Variants in CCDC186 observed in about 807,000 individuals in gnomAD.
CCDC186 encodes coiled-coil domain-containing protein 186.
Under a neutral mutation model 113.7 loss-of-function variants are expected in CCDC186, and 49 were observed. That is an observed-to-expected ratio of 0.43 (90% CI 0.34 to 0.55). The LOEUF is 0.55. Ranked by LOEUF, CCDC186 falls within the 20% of genes least tolerant of loss-of-function variation. The pLI is 0.02. For missense variants in CCDC186, 890 were observed against 1,011.1 expected, an observed-to-expected ratio of 0.88 and a Z score of 1.62; for synonymous variants, 355 against 345.8, an observed-to-expected ratio of 1.03 and a Z score of -0.30.
rs1419136481 is a variant in CCDC186 at position 114,123,179 on chromosome 10, T to C, written c.*1964A>G. 1.3e-5 allele frequency: 2 copies of C among 152,556 alleles called. No individual in the cohort carries two copies. The highest frequency in any genetic ancestry group is 1.3e-4 in the Admixed American group (2 of 15,272). The allele number at this position is 152,556 out of a possible 1,614,324, so 9.5% of individuals were successfully genotyped here. A position where few individuals can be genotyped will look rare whatever the true frequency, so the allele number is the denominator to read the frequency against. Reference sequence around the variant, plus strand: ...GTTAAGTAGTGTGTCTAGAAACAAATAGTAAAATAATTCAGATTTGATTGC... The same window carrying C: ...GTTAAGTAGTGTGTCTAGAAACAAACAGTAAAATAATTCAGATTTGATTGC... On this transcript the variant is annotated 3_prime_UTR_variant, in exon 16 of 16. Coordinates refer to ENST00000369287, the MANE Select transcript of CCDC186 (RefSeq NM_018017.4).
rs192316961 is a variant in CCDC186 at position 114,134,037 on chromosome 10, A to C, written c.1655+876T>G. Among the ~76,000 whole-genome samples the C allele has an allele frequency of 3.3e-4, 50 of 152,348 alleles. No homozygotes were observed. In the East Asian group the frequency reaches 9.2e-3, roughly 28 times the overall value. ...CAGAAGAGATGAAATCCATAGCGGA[A>C]GTAGAAAGACTAATTTGATTCAGAG... On this transcript the variant is annotated intron_variant, in intron 10 of 15. Coordinates refer to ENST00000369287, the MANE Select transcript of CCDC186 (RefSeq NM_018017.4).
At position 114,145,205 on chromosome 10, in the gene CCDC186, C is replaced by T. The variant is rs575444335; in HGVS notation, c.1101+344G>A. Among the ~76,000 whole-genome samples, 18 of 152,200 alleles carry T rather than the reference C, an allele frequency of 1.2e-4. No individual in the cohort carries two copies. The East Asian group carries it at 2.7e-3, about 23-fold the overall frequency. ...TCTGGTTCTAAAACTATTCATTTTA[C>T]ACTACTATATACATATTTTACCAAA... On this transcript the variant is annotated intron_variant, in intron 5 of 15. Transcript: ENST00000369287.
rs1195964788 is a variant in CCDC186, at chr10:114,149,829, G to GC, written c.888+1262_888+1263insG. Among the ~76,000 whole-genome samples the GC allele has an allele frequency of 9.0e-4, 109 of 121,004 alleles. 2 individuals carry two copies. The highest frequency in any genetic ancestry group is 3.8e-3 in the African/African-American group (100 of 26,438). The allele number at this position is 121,004 out of a possible 152,430, so 79.4% of individuals were successfully genotyped here. The stretch of plus-strand genomic sequence containing the variant: ...GGAAGGAAGGAAGGCAGGAAGGCAG[G>GC]AAGGCAGGAAGGCAGGCAGGCAGGC... On this transcript the variant is annotated intron_variant, in intron 4 of 15. Coordinates refer to ENST00000369287, the MANE Select transcript of CCDC186 (RefSeq NM_018017.4).
intron 13 of CCDC186, 107 bp downstream of exon 13, chr10:114,129,784 C>T: frequency 1.1e-6 from 1 of 907,552 alleles, no homozygotes; most frequent in Non-Finnish European, 1.7e-6. Context: ...CTCATCTCGT[C>T]CTCCCAAAGT....
intron 4 of CCDC186, among the ~76,000 whole-genome samples, chr10:114,149,810 A>C (rs147295047): frequency 0.024 from 1,434 of 59,690 alleles, 22 homozygotes; most frequent in African/African-American, 0.057. Flanking sequence ...GGAAGGAAGG[A>C]AGGAAGGCAG....
intron 10 of CCDC186, 109 bp from the exon 11 acceptor site, chr10:114,132,293 A>G: frequency 1.3e-6 from 1 of 781,250 alleles, no homozygotes; most frequent in East Asian, 2.8e-5. Context: ...ACTTCTATTC[A>G]TTCATCCAAA....
chr10:114,136,183 C>G lies in CCDC186; in HGVS notation c.1390G>C (p.Glu464Gln). 1 of 1,613,096 alleles carries G rather than the reference C, an allele frequency of 6.2e-7. No individual in the cohort carries two copies. The highest frequency in any genetic ancestry group is 8.5e-7 in the Non-Finnish European group (1 of 1,179,826). Residue 464 changes from glutamate to glutamine, a missense_variant, in exon 8 of 16, where the codon GAA (glutamate) becomes CAA (glutamine). By Grantham distance (29) the Glu-to-Gln change is conservative (BLOSUM62 2). Coordinates refer to ENST00000369287, the MANE Select transcript of CCDC186 (RefSeq NM_018017.4). ...TCAGATTTTTCTTGCATTTGTTTTT[C>G]AAGTTCTCCTTTTGTGACTCTAAGC... is the stretch of plus-strand genomic sequence containing the variant. ...AKLRVTKGEL[E>Q]KQMQEKSDQL...
intron 3 of CCDC186, among the ~76,000 whole-genome samples, chr10:114,152,873 A>G (rs1027275438): frequency 2.6e-5 from 4 of 152,332 alleles, no homozygotes; most frequent in East Asian, 1.9e-4. Context: ...TAAGAATGTT[A>G]CCAGAGATAA....
At chr10:114,127,785 C>T in intron 13 of CCDC186, 114 bp from the exon 14 acceptor site, 1 of 957,870 alleles carries the variant, frequency 1.0e-6, no homozygotes, top group Non-Finnish European at 1.5e-6. Context: ...GAGTTGGACA[C>T]AGAAGACAAC....
At chr10:114,167,285 C>T (rs1376846928) in intron 1 of CCDC186, among the ~76,000 whole-genome samples, 1 of 152,110 alleles carries the variant, frequency 6.6e-6, no homozygotes, top group Non-Finnish European at 1.5e-5. Flanking sequence ...TCCCAAAGTG[C>T]TTGCACACCT....
chr10:114,148,412 A>G (rs1032551624), intron 4 of CCDC186, among the ~76,000 whole-genome samples: 2 of 152,206 alleles, frequency 1.3e-5, no homozygotes, highest in Non-Finnish European at 2.9e-5. Context: ...CAGGCCAATT[A>G]AGGTCTTTGG....
chr10:114,141,529 C>G (rs2031466681), intron 6 of CCDC186, among the ~76,000 whole-genome samples: 1 of 152,116 alleles, frequency 6.6e-6, no homozygotes, highest in South Asian at 2.1e-4. Context: ...GAGGTCATTT[C>G]TCTTTGACTG....
chr10:114,136,085 T>G, intron 8 of CCDC186, 63 bp downstream of exon 8: 1 of 1,514,294 alleles, frequency 6.6e-7, no homozygotes, highest in East Asian at 2.3e-5. Flanking sequence ...CAATAAGTTC[T>G]CACTATTTCT....
chr10:114,152,030 C>T (rs528150672), intron 3 of CCDC186, among the ~76,000 whole-genome samples: 3 of 152,202 alleles, frequency 2.0e-5, no homozygotes, highest in East Asian at 1.9e-4. Flanking sequence ...TATGGCCACA[C>T]TGCATAAGTA....
In CCDC186 at chr10:114,156,737, A is replaced by G. The variant is rs2032022191; in HGVS notation, c.759+817T>C. Among the ~76,000 whole-genome samples the G allele has an allele frequency of 2.6e-5, 4 of 152,180 alleles. No homozygotes were observed. In the South Asian group the frequency reaches 8.3e-4, roughly 32 times the overall value. ...AGCAAAACTCTGTCTCAAAGAAAAA[A>G]CAAAAAATAAATTAAAAAAAAGAAG... is the stretch of plus-strand genomic sequence containing the variant. On this transcript the variant is annotated intron_variant, in intron 3 of 15. Coordinates refer to ENST00000369287, the MANE Select transcript of CCDC186 (RefSeq NM_018017.4).
chr10:114,162,776 C>T lies in CCDC186; in HGVS notation c.493G>A (p.Glu165Lys), dbSNP rs944337275. Residue 165 changes from glutamate (E) to lysine (K), a missense_variant, in exon 2 of 16, where the codon GAA becomes AAA. Glu to Lys is a moderately conservative substitution (Grantham distance 56). Coordinates refer to ENST00000369287, the MANE Select transcript of CCDC186 (RefSeq NM_018017.4). ...SVSASEDLLEEIESELLSTEF... is the reference protein window; with the variant it reads ...SVSASEDLLEKIESELLSTEF... ...GTAGATAAGAGCTCAGATTCTATTT[C>T]TTCCAACAAATCCTCTGATGCTGAA... The T allele has an allele frequency of 1.6e-5, 26 of 1,613,772 alleles. No homozygotes were observed. Among genetic ancestry groups the T allele is most frequent in the Non-Finnish European group, 2.0e-5 (24 of 1,179,924 alleles).
At chr10:114,167,746 T>C (rs558190024) in intron 1 of CCDC186, among the ~76,000 whole-genome samples, 1 of 146,786 alleles carries the variant, frequency 6.8e-6, no homozygotes, top group African/African-American at 2.5e-5. Flanking sequence ...AAGGATTTAT[T>C]GCGCCCAGGA....
intron 6 of CCDC186, 89 bp downstream of exon 6, chr10:114,144,408 C>A (rs570379434): frequency 4.1e-6 from 6 of 1,448,804 alleles, no homozygotes; most frequent in Non-Finnish European, 4.6e-6. Context: ...TCTGAAAGAG[C>A]GAGACTCCGT....
Position 114,145,771 on chromosome 10 carries a change from AAAT to A in CCDC186, c.889-13_889-11del. 6.4e-7 allele frequency: 1 copy of A among 1,570,530 alleles called. No individual in the cohort carries two copies. ...CACATTTCTTGTTGGCCTTCAAAAAAAATATTACTTAGCATTAATGAAAAATAA... is the reference window on the plus strand; with the variant it reads ...CACATTTCTTGTTGGCCTTCAAAAAAATTACTTAGCATTAATGAAAAATAA... On this transcript the variant is annotated splice_polypyrimidine_tract_variant and intron_variant, in intron 4 of 15. Transcript: ENST00000369287.
Sources: gnomAD v4.1 joint callset for allele counts (sites outside exome capture counted in the v4.1 genomes callset) on GRCh38, gnomAD v4.1.1 for gene constraint, MANE v1.5 for transcripts, NCBI Gene and HGNC (gene_info 2026-07-23, HGNC 2026-07-21) for gene names.